VSX2: variants seen among roughly 807,000 people sequenced by gnomAD.
VSX2 encodes visual system homeobox 2, also known as ceh-10 homeo domain containing homolog.
Under a neutral mutation model 32.1 loss-of-function variants are expected in VSX2, and 28 were observed. The observed-to-expected ratio is 0.87, with a 90% confidence interval of 0.65 to 1.20. The LOEUF is 1.20. Among genes scored for constraint, VSX2 ranks in the 50% most tolerant of loss-of-function variants. The pLI, the probability that VSX2 is intolerant of heterozygous loss-of-function variation, is 0.00. For missense variants in VSX2, 506 were observed against 488.7 expected, an observed-to-expected ratio of 1.04 and a Z score of -0.33; for synonymous variants, 243 against 214.1, an observed-to-expected ratio of 1.14 and a Z score of -1.18.
At chr14:74,249,222 TC>T (rs2079214397) in intron 3 of VSX2, among the ~76,000 whole-genome samples, 1 of 152,228 alleles carries the variant, frequency 6.6e-6, no homozygotes, top group African/African-American at 2.4e-5. Flanking sequence ...TATTAAGTAC[TC>T]ACCATTGTCC....
intron 2 of VSX2, among the ~76,000 whole-genome samples, chr14:74,242,421 T>C (rs1157820089): frequency 6.6e-6 from 1 of 152,232 alleles, no homozygotes; most frequent in African/African-American, 2.4e-5. Context: ...AACTCCACTG[T>C]TGACCGCCAC....
intron 2 of VSX2, 70 bp downstream of exon 2, chr14:74,241,336 G>C: frequency 3.3e-6 from 5 of 1,521,368 alleles, no homozygotes; most frequent in Non-Finnish European, 4.5e-6. Flanking sequence ...CCGGGATCGG[G>C]TCTCTCGGAC....
intron 2 of VSX2, among the ~76,000 whole-genome samples, chr14:74,244,936 G>GAA (rs2079177934): frequency 8.3e-5 from 11 of 132,236 alleles, no homozygotes; most frequent in East Asian, 5.1e-4. Context: ...GTGTGAAAGA[G>GAA]AGAGAGAAAG....
chr14:74,244,913 T>TGAGAGAGAGAAAGAGAGAGAGAAA (rs1566884380), intron 2 of VSX2, among the ~76,000 whole-genome samples: 3 of 59,220 alleles, frequency 5.1e-5, no homozygotes, highest in Non-Finnish European at 1.0e-4. Flanking sequence ...TGTGTGTGTG[T>TGAGAGAGAGAAAGAGAGAGAGAAA]GTGTGTGTGT....
chr14:74,261,131 C>A lies in VSX2; in HGVS notation c.*212C>A. On this transcript the variant is annotated 3_prime_UTR_variant, in exon 5 of 5. Coordinates refer to ENST00000261980, the MANE Select transcript of VSX2 (RefSeq NM_182894.3). ...ATCCCTCATCTAGTCTTGACCTCTC[C>A]AGCATCCCAGCCTCAGAAGCCTTCT... 1 of 594,334 alleles carries A rather than the reference C, an allele frequency of 1.7e-6. No individual in the cohort carries two copies. The highest frequency in any genetic ancestry group is 2.8e-5 in the East Asian group (1 of 35,834). The allele number at this position is 594,334 out of a possible 1,614,324, so 36.8% of individuals were successfully genotyped here.
chr14:74,240,754 C>T (rs1457440615), intron 1 of VSX2, among the ~76,000 whole-genome samples: 1 of 152,248 alleles, frequency 6.6e-6, no homozygotes, highest in Non-Finnish European at 1.5e-5. Context: ...TCGGCAGCCC[C>T]CAGTCTTCCC....
intron 3 of VSX2, among the ~76,000 whole-genome samples, chr14:74,255,253 G>A (rs1242130360): frequency 6.6e-6 from 1 of 152,164 alleles, no homozygotes; most frequent in Non-Finnish European, 1.5e-5. Flanking sequence ...GTGGCTTCCA[G>A]GAAGGGAATA....
chr14:74,256,179 C>T (rs890157612), intron 3 of VSX2, among the ~76,000 whole-genome samples: 3 of 152,222 alleles, frequency 2.0e-5, no homozygotes, highest in Admixed American at 2.0e-4. Context: ...ACCTGTAATC[C>T]CAGCACTTTG....
Position 74,261,073 on chromosome 14 carries a change from CCG to C in VSX2, c.*156_*157del. The C allele has an allele frequency of 1.2e-6, 1 of 854,176 alleles. No homozygotes were observed. Among genetic ancestry groups the C allele is most frequent in the Non-Finnish European group, 1.8e-6 (1 of 551,848 alleles). 52.9% of individuals were successfully genotyped at this position (854,176 alleles called of 1,614,324 possible). On this transcript the variant is annotated 3_prime_UTR_variant, in exon 5 of 5. Coordinates refer to ENST00000261980, the MANE Select transcript of VSX2 (RefSeq NM_182894.3). ...CCATCACCCCTGGTGGCTGCAGGCA[CCG>C]CTGGGTTCTGACTCTGGACCATGCT...
Position 74,260,734 on chromosome 14 carries a change from C to A in VSX2, c.901C>A (p.Leu301Met), listed in dbSNP as rs1211456249. ...DAQAAISQEE[L>M]RENSIAVLRA... ...TCAGGCGGCCATCTCCCAGGAGGAACTGAGGGAGAACAGCATTGCGGTGCT... is the reference window on the plus strand; with the variant it reads ...TCAGGCGGCCATCTCCCAGGAGGAAATGAGGGAGAACAGCATTGCGGTGCT... The change falls in exon 5 of 5, where the codon CTG becomes ATG. Residue 301 changes from leucine to methionine, a missense_variant. Physicochemically the swap from Leu to Met is conservative, Grantham distance 15 (BLOSUM62 2). Coordinates refer to ENST00000261980, the MANE Select transcript of VSX2 (RefSeq NM_182894.3). 2 of 1,593,134 alleles carry A rather than the reference C, an allele frequency of 1.3e-6. No individual in the cohort carries two copies.
intron 2 of VSX2, among the ~76,000 whole-genome samples, chr14:74,244,461 AG>A (rs2079170998): frequency 6.6e-6 from 1 of 151,828 alleles, no homozygotes. Flanking sequence ...GGGAGGAGGA[AG>A]GGGTGCTGGG....
intron 3 of VSX2, among the ~76,000 whole-genome samples, chr14:74,249,489 C>T (rs574149124): frequency 3.3e-5 from 5 of 152,252 alleles, no homozygotes; most frequent in East Asian, 3.9e-4. Context: ...AGGCTGGTCT[C>T]GAACTCCTGA....
rs920912372 is a variant in VSX2 at position 74,239,730 on chromosome 14, G to T, written c.169G>T (p.Ala57Ser). 1.9e-6 allele frequency: 3 copies of T among 1,548,984 alleles called. No individual in the cohort carries two copies. In the African/African-American group the frequency reaches 4.1e-5, roughly 21 times the overall value. Residue 57 changes from alanine to serine, a missense_variant, in exon 1 of 5, where the codon GCC becomes TCC. Physicochemically the swap from Ala to Ser is moderately conservative, Grantham distance 99 (BLOSUM62 1). Coordinates refer to ENST00000261980, the MANE Select transcript of VSX2 (RefSeq NM_182894.3). ...CCCGCGGGCAGCGCTCGACGGCCTGGCCCCCGGGCACTTGCTGGCGGCGCG... is the reference window on the plus strand; with the variant it reads ...CCCGCGGGCAGCGCTCGACGGCCTGTCCCCCGGGCACTTGCTGGCGGCGCG... ...SHPRAALDGL[A>S]PGHLLAARSV...
chr14:74,249,711 T>G (rs2079217471), intron 3 of VSX2, among the ~76,000 whole-genome samples: 1 of 152,126 alleles, frequency 6.6e-6, no homozygotes, highest in African/African-American at 2.4e-5. Context: ...TGACATGAGA[T>G]CCTATGAGAT....
chr14:74,239,723 C>T lies in VSX2; in HGVS notation c.162C>T (p.Asp54=), dbSNP rs61747367. Residue 54 remains aspartate (D), a synonymous_variant, in exon 1 of 5, where the codon GAC becomes GAT. Coordinates refer to ENST00000261980, the MANE Select transcript of VSX2 (RefSeq NM_182894.3). ...PPSSHPRAAL[D]GLAPGHLLAA... ...GCTCCCACCCGCGGGCAGCGCTCGA[C>T]GGCCTGGCCCCCGGGCACTTGCTGG... 9.7e-6 allele frequency: 15 copies of T among 1,549,210 alleles called. No homozygotes were observed. The highest frequency in any genetic ancestry group is 1.8e-4 in the Middle Eastern group (1 of 5,470).
chr14:74,253,633 G>T (rs1182057767), intron 3 of VSX2, among the ~76,000 whole-genome samples: 3 of 152,162 alleles, frequency 2.0e-5, no homozygotes, highest in African/African-American at 4.8e-5. Context: ...GCTCAGAAAG[G>T]TTAAGAAATG....
chr14:74,257,507 G>T (rs946829379), intron 3 of VSX2, among the ~76,000 whole-genome samples: 3 of 152,260 alleles, frequency 2.0e-5, no homozygotes, highest in African/African-American at 7.2e-5. Flanking sequence ...ATTTACAAAT[G>T]AATAAAGGCC....
chr14:74,256,259 C>A (rs778428185), intron 3 of VSX2, among the ~76,000 whole-genome samples: 1 of 152,136 alleles, frequency 6.6e-6, no homozygotes, highest in Non-Finnish European at 1.5e-5. Context: ...GGTGAAATCT[C>A]GTCCCTACTA....
At chr14:74,248,614 C>T (rs780409916) in intron 3 of VSX2, among the ~76,000 whole-genome samples, 96 of 151,774 alleles carry the variant, frequency 6.3e-4, no homozygotes, top group Non-Finnish European at 1.3e-3. Flanking sequence ...CCACTTGAGC[C>T]CAAGAGGTAG....
Sources: gnomAD v4.1 joint callset for allele counts (sites outside exome capture counted in the v4.1 genomes callset) on GRCh38, gnomAD v4.1.1 for gene constraint, MANE v1.5 for transcripts, NCBI Gene and HGNC (gene_info 2026-07-23, HGNC 2026-07-21) for gene names.